The following METAP1D variants were observed in gnomAD, a reference collection of about 807,000 sequenced individuals.
METAP1D encodes methionyl aminopeptidase type 1D, mitochondrial, also known as methionine aminopeptidase 1D, mitochondrial.
Under a neutral mutation model 40.5 loss-of-function variants are expected in METAP1D, and 31 were observed. The ratio of observed to expected loss-of-function variants is 0.77; its 90% CI spans 0.58 to 1.03. METAP1D has a LOEUF of 1.03. METAP1D is among the 50% of genes least tolerant of loss of function. The pLI is 0.00. For synonymous variants in METAP1D, 151 were observed against 146.4 expected (o/e 1.03, Z -0.22); for missense variants, 411 against 420.7 (o/e 0.98, Z 0.20).
intron 1 of METAP1D, among the ~76,000 whole-genome samples, chr2:172,024,999 CTT>C (rs1171477841): frequency 6.6e-6 from 1 of 152,154 alleles, no homozygotes; most frequent in Non-Finnish European, 1.5e-5. Flanking sequence ...TATCTCCAAA[CTT>C]TGATTTTCTC....
At chr2:172,049,891 G>A (rs115102223) in intron 1 of METAP1D, among the ~76,000 whole-genome samples, 2,788 of 152,178 alleles carry the variant, frequency 0.018, 56 homozygotes, top group Admixed American at 0.068. Context: ...CTGGTTACAG[G>A]GCAGAGACAA....
intron 1 of METAP1D, among the ~76,000 whole-genome samples, chr2:172,007,835 G>A (rs1688623286): frequency 1.3e-5 from 2 of 151,930 alleles, no homozygotes; most frequent in African/African-American, 4.8e-5. Flanking sequence ...GATTACAGGC[G>A]CATGCCACGA....
intron 7 of METAP1D, 87 bp from the exon 8 acceptor site, chr2:172,079,128 T>G (rs1263689123): frequency 3.6e-6 from 5 of 1,390,672 alleles, no homozygotes; most frequent in African/African-American, 1.5e-5. Flanking sequence ...GACCAAGTTT[T>G]TTAAAGGGGC....
intron 1 of METAP1D, among the ~76,000 whole-genome samples, chr2:172,025,679 A>G (rs10930502): frequency 0.32 from 48,252 of 151,930 alleles, 8,142 homozygotes; most frequent in East Asian, 0.7. Context: ...ATGAGTCTCC[A>G]TGTAAGAGAT....
chr2:172,079,084 C>A, intron 7 of METAP1D, 131 bp from the exon 8 acceptor site: 1 of 866,470 alleles, frequency 1.2e-6, no homozygotes, highest in Non-Finnish European at 1.8e-6. Context: ...CAGAAATCTC[C>A]ACCCTTCCTT....
rs1237850772 is a variant in METAP1D at position 172,042,672 on chromosome 2, C to CGT, written c.41-18821_41-18820dup. ...GTATGTGTATATGTGTACACATATA[C>CGT]GTGTGTATGTGTATATGTGTACACA... On this transcript the variant is annotated intron_variant, in intron 1 of 9. Transcript: ENST00000315796. 4.7e-4 allele frequency among the ~76,000 whole-genome samples: 6 copies of CGT among 12,822 alleles called. 3 individuals are homozygous for CGT. In the Admixed American group the frequency reaches 7.4e-3, roughly 16 times the overall value. The allele number at this position is 12,822 out of a possible 152,430, so 8.4% of individuals were successfully genotyped here.
intron 1 of METAP1D, among the ~76,000 whole-genome samples, chr2:172,036,794 G>GTT (rs1689402467): frequency 6.6e-6 from 1 of 152,182 alleles, no homozygotes; most frequent in African/African-American, 2.4e-5. Flanking sequence ...TTTCCAAGGT[G>GTT]GTTGTACCAG....
At chr2:172,066,427 C>A (rs940804732) in intron 5 of METAP1D, 121 bp downstream of exon 5, 12 of 747,922 alleles carry the variant, frequency 1.6e-5, no homozygotes, top group Non-Finnish European at 2.4e-5. Flanking sequence ...TAGACCCAGA[C>A]GCAAGCAGCT....
chr2:172,005,231 A>G (rs1341906425), intron 1 of METAP1D, among the ~76,000 whole-genome samples: 2 of 151,956 alleles, frequency 1.3e-5, no homozygotes, highest in African/African-American at 4.8e-5. Flanking sequence ...ATACTTTAGA[A>G]GTGAATTCTG....
At chr2:172,005,865 T>A (rs576432504) in intron 1 of METAP1D, among the ~76,000 whole-genome samples, 1 of 152,040 alleles carries the variant, frequency 6.6e-6, no homozygotes, top group Non-Finnish European at 1.5e-5. Context: ...CATTGGTTGA[T>A]GTGAAACAGC....
chr2:172,041,726 T>TTATTTATATATATA (rs1553493428), intron 1 of METAP1D, among the ~76,000 whole-genome samples: 3 of 37,560 alleles, frequency 8.0e-5, no homozygotes, highest in Admixed American at 3.8e-4. Context: ...TCTAATTATT[T>TTATTTATATATATA]TATATATATA....
intron 1 of METAP1D, among the ~76,000 whole-genome samples, chr2:172,046,638 CTG>C (rs1399329148): frequency 6.6e-6 from 1 of 152,158 alleles, no homozygotes; most frequent in African/African-American, 2.4e-5. Context: ...GTGAAAGTGT[CTG>C]TTAATATTAC....
chr2:172,058,877 C>T (rs141279519), intron 1 of METAP1D, among the ~76,000 whole-genome samples: 1 of 152,146 alleles, frequency 6.6e-6, no homozygotes, highest in East Asian at 1.9e-4. Flanking sequence ...GTGCCTTTCC[C>T]CAAGTCAATT....
At chr2:172,032,829 G>A (rs932220350) in intron 1 of METAP1D, among the ~76,000 whole-genome samples, 2 of 152,166 alleles carry the variant, frequency 1.3e-5, no homozygotes, top group South Asian at 4.1e-4. Context: ...TTGGGAGGCC[G>A]AGGCAGGTGG....
At chr2:172,072,264 G>A (rs1690439096) in intron 6 of METAP1D, 2 of 166,930 alleles carry the variant, frequency 1.2e-5, no homozygotes, top group African/African-American at 2.4e-5. Context: ...GGGATGAGTC[G>A]ATAGATGCAC....
rs1255646670 is a variant in METAP1D, at chr2:172,081,979, AG to A, written c.*1576del. The A allele has an allele frequency of 1.2e-4, 19 of 152,288 alleles. No homozygotes were observed. The highest frequency in any genetic ancestry group is 1.2e-3 in the Admixed American group (19 of 15,272). The allele number at this position is 152,288 out of a possible 1,614,324, so 9.4% of individuals were successfully genotyped here. On this transcript the variant is annotated 3_prime_UTR_variant, in exon 10 of 10. Transcript: ENST00000315796. Reference sequence around the variant, plus strand: ...CCTCCAGCTCGGCTTCTTTGTGTCCAGGGTTGTAGATTTTTGGATAGAGGTG... The same window carrying A: ...CCTCCAGCTCGGCTTCTTTGTGTCCAGGTTGTAGATTTTTGGATAGAGGTG...
intron 3 of METAP1D, 151 bp from the exon 4 acceptor site, chr2:172,065,453 A>G: frequency 2.6e-6 from 2 of 768,194 alleles, no homozygotes; most frequent in Non-Finnish European, 4.1e-6. Flanking sequence ...GGATTCTAAC[A>G]CTAATCATAA....
In METAP1D at chr2:172,042,709, G is replaced by GTGTATA. The variant is rs1689610763; in HGVS notation, c.41-18786_41-18785insATATGT. Among the ~76,000 whole-genome samples, 4 of 13,876 alleles carry GTGTATA rather than the reference G, an allele frequency of 2.9e-4. 2 individuals are homozygous for GTGTATA. The highest frequency in any genetic ancestry group is 7.6e-4 in the Non-Finnish European group (4 of 5,256). 9.1% of individuals were successfully genotyped at this position (13,876 alleles called of 152,430 possible). A position where few individuals can be genotyped will look rare whatever the true frequency, so the allele number is the denominator to read the frequency against. On this transcript the variant is annotated intron_variant, in intron 1 of 9. Transcript: ENST00000315796. ...TATATGTGTACACATATACGTGTGT[G>GTGTATA]TGTGTATATGTGTACACATATACGT...
intron 1 of METAP1D, among the ~76,000 whole-genome samples, chr2:172,015,067 T>C (rs1021297028): frequency 3.9e-5 from 6 of 152,208 alleles, no homozygotes; most frequent in Non-Finnish European, 7.3e-5. Flanking sequence ...CTTTATCTTT[T>C]AAAAACAATT....
Sources: gnomAD v4.1 joint callset for allele counts (sites outside exome capture counted in the v4.1 genomes callset) on GRCh38, gnomAD v4.1.1 for gene constraint, MANE v1.5 for transcripts, NCBI Gene and HGNC (gene_info 2026-07-23, HGNC 2026-07-21) for gene names.